The following MDGA2 variants were observed in gnomAD, a reference collection of about 807,000 sequenced individuals.
MDGA2 encodes MAM domain containing glycosylphosphatidylinositol anchor 2.
A neutral mutation model predicts 117.8 loss-of-function variants in MDGA2; 40 were observed. That is an observed-to-expected ratio of 0.34 (90% confidence interval 0.26 to 0.44). The LOEUF is 0.44. MDGA2 is among the 20% of genes least tolerant of loss of function. The pLI is 1.00. For missense variants in MDGA2, 1,123 were observed against 1,250.6 expected, an observed-to-expected ratio of 0.90 and a Z score of 1.54; for synonymous variants, 452 against 439.0, an observed-to-expected ratio of 1.03 and a Z score of -0.37.
chr14:46,916,909 T>C (rs924808790), intron 10 of MDGA2, among the ~76,000 whole-genome samples: 1 of 152,052 alleles, frequency 6.6e-6, no homozygotes, highest in South Asian at 2.1e-4. Flanking sequence ...CAGAAAAGAA[T>C]GTATACAGTG....
intron 6 of MDGA2, among the ~76,000 whole-genome samples, chr14:47,069,022 T>C (rs959823713): frequency 3.9e-5 from 6 of 152,174 alleles, no homozygotes; most frequent in African/African-American, 7.2e-5. Flanking sequence ...TCCTCTTCCA[T>C]ACTGTATTCT....
At chr14:47,270,252 T>A (rs1888102239) in intron 2 of MDGA2, among the ~76,000 whole-genome samples, 1 of 152,192 alleles carries the variant, frequency 6.6e-6, no homozygotes, top group South Asian at 2.1e-4. Context: ...TGTGATTTTT[T>A]TTCTACCTAC....
intron 14 of MDGA2, chr14:46,872,005 CAAAAA>C (rs924839134): frequency 4.3e-5 from 9 of 211,712 alleles, no homozygotes; most frequent in Admixed American, 1.3e-4. Flanking sequence ...TAAAACAAAA[CAAAAA>C]AACCCAAGTG....
intron 1 of MDGA2, among the ~76,000 whole-genome samples, chr14:47,460,732 C>T (rs1015379072): frequency 1.3e-5 from 2 of 151,884 alleles, no homozygotes; most frequent in African/African-American, 4.8e-5. Context: ...ACCCAGGGGG[C>T]CCCTGGTTCT....
At chr14:47,076,558 TTATGTG>T (rs1341715926) in intron 6 of MDGA2, among the ~76,000 whole-genome samples, 6 of 84,144 alleles carry the variant, frequency 7.1e-5, no homozygotes, top group African/African-American at 2.4e-4. Flanking sequence ...TGAGTGTGTG[TTATGTG>T]TGTGTGTGTG....
At chr14:47,647,143 C>T (rs960402614) in intron 1 of MDGA2, among the ~76,000 whole-genome samples, 3 of 152,072 alleles carry the variant, frequency 2.0e-5, no homozygotes, top group Non-Finnish European at 2.9e-5. Flanking sequence ...TTGCCAAATA[C>T]GTGTCATGCA....
intron 14 of MDGA2, among the ~76,000 whole-genome samples, chr14:46,858,528 C>A (rs1425875386): frequency 8.0e-5 from 12 of 150,610 alleles, no homozygotes; most frequent in Non-Finnish European, 1.8e-4. Context: ...CCCGGGTTCA[C>A]GCCATTCTCC....
chr14:47,614,386 G>A (rs989038105), intron 1 of MDGA2, among the ~76,000 whole-genome samples: 3 of 152,000 alleles, frequency 2.0e-5, no homozygotes, highest in Non-Finnish European at 2.9e-5. Context: ...CATCGCATCC[G>A]GCCACTTTTT....
At position 46,926,189 on chromosome 14, in the gene MDGA2, G is replaced by T. The variant is rs147961806; in HGVS notation, c.2090-6029C>A. Among the ~76,000 whole-genome samples, 1,377 of 152,254 alleles carry T rather than the reference G, an allele frequency of 9.0e-3. 18 individuals carry two copies. Among genetic ancestry groups the T allele is most frequent in the African/African-American group, 0.031 (1,301 of 41,544 alleles). Reference sequence around the variant, plus strand: ...CAGTCCTCATGAAAATGGGAGAAAAGATTTTATAGTGAATCCACTAATTTT... The same window carrying T: ...CAGTCCTCATGAAAATGGGAGAAAATATTTTATAGTGAATCCACTAATTTT... On this transcript the variant is annotated intron_variant, in intron 9 of 16. Transcript: ENST00000399232.
Position 46,884,855 on chromosome 14 carries a change from TG to T in MDGA2, c.2239-2635del, listed in dbSNP as rs145695218. ...TCAGGTAATACATTACTTTCTTTTTTGTTTTTTTTCTGAGACAGTCTCGCTC... is the reference window on the plus strand; with the variant it reads ...TCAGGTAATACATTACTTTCTTTTTTTTTTTTTTCTGAGACAGTCTCGCTC... On this transcript the variant is annotated intron_variant, in intron 10 of 16. Coordinates refer to ENST00000399232, the MANE Select transcript of MDGA2 (RefSeq NM_001113498.3). The surrounding 1 kb of genome is among the most constrained non-coding windows in gnomAD (Gnocchi z 4.1). Among the ~76,000 whole-genome samples the T allele has an allele frequency of 0.12, 18,692 of 150,886 alleles. 1,486 individuals are homozygous for T. The highest frequency in any genetic ancestry group is 0.2 in the Middle Eastern group (59 of 294).
intron 1 of MDGA2, among the ~76,000 whole-genome samples, chr14:47,382,806 A>G (rs540053111): frequency 1.3e-5 from 2 of 152,318 alleles, no homozygotes; most frequent in Admixed American, 1.3e-4. Flanking sequence ...CGATTCCTCA[A>G]GGATCTAGAA....
intron 3 of MDGA2, among the ~76,000 whole-genome samples, chr14:47,159,959 T>C (rs1566656933): frequency 6.6e-6 from 1 of 152,212 alleles, no homozygotes; most frequent in Non-Finnish European, 1.5e-5. Flanking sequence ...ATAGCTTTGG[T>C]TGGCAAAATA....
At chr14:47,612,637 T>A (rs8011655) in intron 1 of MDGA2, among the ~76,000 whole-genome samples, 2 of 152,008 alleles carry the variant, frequency 1.3e-5, no homozygotes, top group African/African-American at 4.8e-5. Flanking sequence ...ACTATTTGGG[T>A]ATGCTTCTAT....
At chr14:46,939,387 T>A (rs1884912676) in intron 9 of MDGA2, among the ~76,000 whole-genome samples, 1 of 152,130 alleles carries the variant, frequency 6.6e-6, no homozygotes, top group Non-Finnish European at 1.5e-5. Flanking sequence ...ATAAGTAAAA[T>A]TATTATAAGT....
intron 2 of MDGA2, among the ~76,000 whole-genome samples, chr14:47,259,915 T>C (rs1887740196): frequency 6.6e-6 from 1 of 152,034 alleles, no homozygotes; most frequent in South Asian, 2.1e-4. Flanking sequence ...TAAGAGACTT[T>C]GACAAGACGA....
intron 2 of MDGA2, among the ~76,000 whole-genome samples, chr14:47,228,596 T>TA (rs1886586464): frequency 6.6e-6 from 1 of 152,130 alleles, no homozygotes; most frequent in African/African-American, 2.4e-5. Flanking sequence ...CGATGTTCAG[T>TA]AGGTTAGGTA....
In MDGA2 at chr14:47,193,689, G is replaced by C. The variant is rs1335195081; in HGVS notation, c.595+24332C>G. ...GTGTCTGCAAAGTCAGTGAATTATG[G>C]CATTATTTGAGGTGTCCTAGCCTGG... is the stretch of plus-strand genomic sequence containing the variant. On this transcript the variant is annotated intron_variant, in intron 3 of 16. Transcript: ENST00000399232. Among the ~76,000 whole-genome samples the C allele has an allele frequency of 2.0e-5, 3 of 152,120 alleles. No individual in the cohort carries two copies. In the East Asian group the frequency reaches 5.8e-4, roughly 29 times the overall value.
At chr14:46,863,417 C>A (rs1022233414) in intron 14 of MDGA2, among the ~76,000 whole-genome samples, 9 of 152,100 alleles carry the variant, frequency 5.9e-5, no homozygotes, top group South Asian at 2.1e-4. Context: ...GAATTCTAAA[C>A]ACTAGGATTA....
chr14:47,106,109 A>G (rs1386914562), intron 5 of MDGA2, among the ~76,000 whole-genome samples: 1 of 152,154 alleles, frequency 6.6e-6, no homozygotes, highest in Admixed American at 6.5e-5. Context: ...CATCAAATAT[A>G]AAAATCCAGC....
Sources: allele counts gnomAD v4.1 joint callset (sites outside exome capture counted in the v4.1 genomes callset), GRCh38; gene constraint gnomAD v4.1.1; non-coding constraint Gnocchi (gnomAD v3.1); transcripts MANE v1.5; gene names NCBI Gene and HGNC (gene_info 2026-07-23, HGNC 2026-07-21).